The following RPL26 variants were observed in gnomAD, a reference collection of about 807,000 sequenced individuals.
RPL26 encodes large ribosomal subunit protein uL24.
Under a neutral mutation model 16.2 loss-of-function variants are expected in RPL26, and 1 was observed. That is an observed-to-expected ratio of 0.06 (90% CI 0.02 to 0.29). RPL26 has a LOEUF of 0.29. Ranked by LOEUF, RPL26 falls within the 10% of genes least tolerant of loss-of-function variation. RPL26 has a pLI of 1.00. For missense variants in RPL26, 102 were observed against 184.3 expected (o/e 0.55, Z 2.58); for synonymous variants, 55 against 62.4 (o/e 0.88, Z 0.56).
chr17:8,382,828 C>T, intron 1 of RPL26: 1 of 387,696 alleles, frequency 2.6e-6, no homozygotes, highest in Non-Finnish European at 4.6e-6. Flanking sequence ...TCCCAGTGGG[C>T]AAGTGTGGTC....
At position 8,382,222 on chromosome 17, in the gene RPL26, A is replaced by G; in HGVS notation, c.89T>C (p.Met30Thr). ...CAGCTCTTTGGAAAGAGGGGAAGACATAATCTTCCTTCGAATGTGGGAAGG... is the reference window on the plus strand; with the variant it reads ...CAGCTCTTTGGAAAGAGGGGAAGACGTAATCTTCCTTCGAATGTGGGAAGG... ...NAPSHIRRKIMSSPLSKELRQ... is the reference protein window; with the variant it reads ...NAPSHIRRKITSSPLSKELRQ... The change falls in exon 2 of 4, where the codon ATG (methionine) becomes ACG (threonine). Residue 30 changes from methionine (M) to threonine (T), a missense_variant. Transcript: ENST00000648839. 1 of 1,612,858 alleles carries G rather than the reference A, an allele frequency of 6.2e-7. No individual in the cohort carries two copies. The highest frequency in any genetic ancestry group is 8.5e-7 in the Non-Finnish European group (1 of 1,178,800).
chr17:8,380,646 G>A lies in RPL26; in HGVS notation c.169-710C>T, dbSNP rs374701381. 16 of 152,316 alleles carry A rather than the reference G, an allele frequency of 1.1e-4. No individual in the cohort carries two copies. In the East Asian group the frequency reaches 2.9e-3, roughly 28 times the overall value. The allele number at this position is 152,316 out of a possible 1,614,324, so 9.4% of individuals were successfully genotyped here. ...GTTACAGCTCCTGAATCTAGATTGG[G>A]AGCAATTCTGTTTACTGGTCCTCAA... On this transcript the variant is annotated intron_variant, in intron 2 of 3. Transcript: ENST00000648839.
chr17:8,382,054 G>A (rs1907441515), intron 2 of RPL26, 89 bp downstream of exon 2: 1 of 1,182,680 alleles, frequency 8.5e-7, no homozygotes, highest in Non-Finnish European at 1.2e-6. Context: ...AAGAGTCTCA[G>A]AAGCATCTTT....
intron 3 of RPL26, among the ~76,000 whole-genome samples, chr17:8,378,330 C>T (rs182185380): frequency 3.3e-5 from 5 of 152,042 alleles, no homozygotes; most frequent in African/African-American, 1.2e-4. Context: ...ATCGAGACTC[C>T]ATCTCAAAAA....
intron 1 of RPL26, 155 bp from the exon 2 acceptor site, chr17:8,382,470 T>G (rs1567706673): frequency 5.0e-6 from 3 of 596,248 alleles, no homozygotes; most frequent in Non-Finnish European, 8.9e-6. Flanking sequence ...GAAGGGCCTA[T>G]CAACCGAAGC....
Position 8,377,631 on chromosome 17 carries a change from T to G in RPL26, c.371A>C (p.Lys124Thr), listed in dbSNP as rs752268233. The G allele has an allele frequency of 1.9e-6, 3 of 1,610,434 alleles. No homozygotes were observed. The highest frequency in any genetic ancestry group is 2.2e-5 in the East Asian group (1 of 44,872). Residue 124 changes from lysine to threonine, a missense_variant, in exon 4 of 4, where the codon AAA (lysine) becomes ACA (threonine). Physicochemically the swap from Lys to Thr is moderately conservative, Grantham distance 78 (BLOSUM62 -1). Transcript: ENST00000648839. Reference sequence around the variant, plus strand: ...CTTTTCCTTTCCTACTTGGCGAGATTTGGCTTTCCGTTCGAGGATCTTTTT... The same window carrying G: ...CTTTTCCTTTCCTACTTGGCGAGATGTGGCTTTCCGTTCGAGGATCTTTTT... ...DRKKILERKA[K>T]SRQVGKEKGK...
intron 3 of RPL26, chr17:8,379,442 C>T: frequency 2.9e-6 from 1 of 342,880 alleles, no homozygotes; most frequent in African/African-American, 2.1e-5. Flanking sequence ...TGTAGTGGTG[C>T]ACGCATGTAG....
At chr17:8,382,937 C>T (rs1374082100) in intron 1 of RPL26, 1 of 397,760 alleles carries the variant, frequency 2.5e-6, no homozygotes, top group Non-Finnish European at 4.4e-6. Context: ...GGCTCCCTTC[C>T]CTCAGCTCGT....
intron 2 of RPL26, among the ~76,000 whole-genome samples, chr17:8,380,325 T>C (rs930332047): frequency 6.6e-6 from 1 of 152,212 alleles, no homozygotes; most frequent in East Asian, 1.9e-4. Flanking sequence ...TTGGTATGTA[T>C]TGAAAACAGA....
At chr17:8,379,234 G>C (rs1351474992) in intron 3 of RPL26, 2 of 150,854 alleles carry the variant, frequency 1.3e-5, no homozygotes, top group African/African-American at 4.9e-5. Context: ...TCGTTGCCTA[G>C]GCTGAAGTGC....
At chr17:8,380,594 T>G (rs1294823693) in intron 2 of RPL26, 1 of 152,210 alleles carries the variant, frequency 6.6e-6, no homozygotes, top group Non-Finnish European at 1.5e-5. Flanking sequence ...TACCTGTAAG[T>G]GCAAACGATA....
intron 1 of RPL26, chr17:8,382,559 C>T (rs1231406116): frequency 2.2e-6 from 1 of 450,264 alleles, no homozygotes. Flanking sequence ...ATCAAAAACA[C>T]TTGTCCTAGT....
rs543551113 is a variant in RPL26, at chr17:8,383,187, G to A, written c.-36C>T. 2.8e-5 allele frequency: 11 copies of A among 398,548 alleles called. No individual in the cohort carries two copies. In the South Asian group the frequency reaches 1.3e-3, roughly 46 times the overall value. 24.7% of individuals were successfully genotyped at this position (398,548 alleles called of 1,614,324 possible). A position where few individuals can be genotyped will look rare whatever the true frequency, so the allele number is the denominator to read the frequency against. On this transcript the variant is annotated 5_prime_UTR_variant, in exon 1 of 4. Coordinates refer to ENST00000648839, the MANE Select transcript of RPL26 (RefSeq NM_000987.5). ...CCCGCTTCGGTGATGGCCGCAAAAGGGAAGAGAACTACACGCTGCTTCCGG... is the reference window on the plus strand; with the variant it reads ...CCCGCTTCGGTGATGGCCGCAAAAGAGAAGAGAACTACACGCTGCTTCCGG...
chr17:8,382,810 T>C, intron 1 of RPL26: 1 of 381,486 alleles, frequency 2.6e-6, no homozygotes, highest in East Asian at 3.7e-5. Flanking sequence ...TCTCGGGTCC[T>C]AAAAGCCTCC....
chr17:8,380,326 T>C (rs544404208), intron 2 of RPL26, among the ~76,000 whole-genome samples: 42 of 152,230 alleles, frequency 2.8e-4, no homozygotes, highest in Non-Finnish European at 5.3e-4. Context: ...TGGTATGTAT[T>C]GAAAACAGAG....
intron 3 of RPL26, among the ~76,000 whole-genome samples, chr17:8,378,257 G>T (rs997002629): frequency 2.3e-5 from 2 of 87,028 alleles, no homozygotes; most frequent in African/African-American, 6.6e-5. Flanking sequence ...CTGGAACCCT[G>T]GGGGGGCGGA....
intron 3 of RPL26, chr17:8,379,255 T>A (rs1907301967): frequency 6.6e-6 from 1 of 152,202 alleles, no homozygotes; most frequent in South Asian, 2.1e-4. Context: ...AATGGTGCGA[T>A]CTCGGCTCAC....
At chr17:8,378,105 C>T (rs1300929034) in intron 3 of RPL26, among the ~76,000 whole-genome samples, 3 of 152,238 alleles carry the variant, frequency 2.0e-5, no homozygotes, top group East Asian at 1.9e-4. Flanking sequence ...CAGAGGCAGG[C>T]GGATCACCTG....
chr17:8,377,707 G>T lies in RPL26; in HGVS notation c.310-15C>A. On this transcript the variant is annotated splice_polypyrimidine_tract_variant and intron_variant, in intron 3 of 3. Transcript: ENST00000648839. ...GTGATAACCACCTGCAGAAAAATAA[G>T]AAAAAAACACTCCCAAGCTTTAAAT... The T allele has an allele frequency of 1.3e-6, 2 of 1,591,718 alleles. 1 individual carries two copies. The highest frequency in any genetic ancestry group is 2.3e-5 in the South Asian group (2 of 88,074).
Sources: gnomAD v4.1 joint callset for allele counts (sites outside exome capture counted in the v4.1 genomes callset) on GRCh38, gnomAD v4.1.1 for gene constraint, MANE v1.5 for transcripts, NCBI Gene and HGNC (gene_info 2026-07-23, HGNC 2026-07-21) for gene names.